Variants in PIGL observed in about 807,000 individuals in gnomAD.
The protein encoded by PIGL is N-acetylglucosaminyl-phosphatidylinositol de-N-acetylase.
PIGL carries 22 observed loss-of-function variants against 31.1 expected under a neutral mutation model. The observed-to-expected ratio is 0.71, with a 90% confidence interval of 0.51 to 1.01. The LOEUF (loss-of-function observed/expected upper bound fraction) is 1.01. Among genes scored for constraint, PIGL ranks in the 50% least tolerant of loss-of-function variants. The pLI, the probability that PIGL is intolerant of heterozygous loss-of-function variation, is 0.00. For synonymous variants in PIGL, 131 were observed against 117.4 expected (o/e 1.12, Z -0.75); for missense variants, 302 against 315.9 (o/e 0.96, Z 0.33).
Position 16,307,308 on chromosome 17 carries a change from T to G in PIGL, c.427-6239T>G, listed in dbSNP as rs187884620. Among the ~76,000 whole-genome samples, 4 of 152,302 alleles carry G rather than the reference T, an allele frequency of 2.6e-5. No individual in the cohort carries two copies. In the East Asian group the frequency reaches 7.7e-4, roughly 29 times the overall value. On this transcript the variant is annotated intron_variant, in intron 3 of 6. Transcript: ENST00000225609. ...TTTCCACTGTCTCCACTTCTTAGAT[T>G]TGGTCCTCTTGCTAGGCCATAGGGT...
chr17:16,245,620 G>T (rs1227637275), intron 2 of PIGL, among the ~76,000 whole-genome samples: 2 of 149,754 alleles, frequency 1.3e-5, no homozygotes, highest in African/African-American at 2.5e-5. Flanking sequence ...GGGCAGGATG[G>T]TCTCGATCTC....
intron 2 of PIGL, among the ~76,000 whole-genome samples, chr17:16,298,145 T>C (rs2092990463): frequency 6.6e-6 from 1 of 151,940 alleles, no homozygotes; most frequent in Non-Finnish European, 1.5e-5. Flanking sequence ...CCATAAGGGG[T>C]TGGCAGATGA....
At chr17:16,320,502 G>T (rs1352567694) in intron 6 of PIGL, among the ~76,000 whole-genome samples, 1 of 135,620 alleles carries the variant, frequency 7.4e-6, no homozygotes, top group Non-Finnish European at 1.6e-5. Context: ...AGGGAAAGCG[G>T]GAGAGAGAGA....
intron 2 of PIGL, among the ~76,000 whole-genome samples, chr17:16,291,521 A>AAAAAAG (rs1555860361): frequency 2.1e-5 from 3 of 140,142 alleles, no homozygotes; most frequent in Non-Finnish European, 3.1e-5. Flanking sequence ...AAAAAAAAAA[A>AAAAAAG]AAAGAAAGAA....
intron 2 of PIGL, among the ~76,000 whole-genome samples, chr17:16,286,149 T>C (rs1407458333): frequency 6.6e-6 from 1 of 152,242 alleles, no homozygotes; most frequent in Non-Finnish European, 1.5e-5. Flanking sequence ...ACCTTCCGGC[T>C]TGCGCTGTAC....
chr17:16,317,782 T>C lies in PIGL; in HGVS notation c.534T>C (p.Ser178=), dbSNP rs114145762. ...HSEGKLPKGC[S]VLTLQSVNVL... ...TGTCTCCTCTCCATCCAGGGTGCTC[T>C]GTGCTCACGCTTCAGTCTGTGAATG... Residue 178 remains serine, a synonymous_variant, in exon 6 of 7, where the codon TCT becomes TCC. Coordinates refer to ENST00000225609, the MANE Select transcript of PIGL (RefSeq NM_004278.4). 6.2e-6 allele frequency: 10 copies of C among 1,613,992 alleles called. No individual in the cohort carries two copies. The African/African-American group carries it at 9.3e-5, about 15-fold the overall frequency.
intron 6 of PIGL, among the ~76,000 whole-genome samples, chr17:16,318,699 G>A (rs1199223348): frequency 6.6e-6 from 1 of 151,950 alleles, no homozygotes; most frequent in Non-Finnish European, 1.5e-5. Context: ...TTGGGAGGCT[G>A]AGGCGGGCAG....
At chr17:16,229,880 T>TTTG (rs1555848571) in intron 1 of PIGL, among the ~76,000 whole-genome samples, 1 of 149,186 alleles carries the variant, frequency 6.7e-6, no homozygotes, top group South Asian at 2.1e-4. Flanking sequence ...TTTTTTTTTT[T>TTTG]GAGACGGAGT....
At chr17:16,237,079 A>C (rs2092702164) in intron 2 of PIGL, among the ~76,000 whole-genome samples, 1 of 146,412 alleles carries the variant, frequency 6.8e-6, no homozygotes, top group South Asian at 2.2e-4. Flanking sequence ...CTGGGACTAC[A>C]GGCACTCACC....
At chr17:16,225,834 C>G (rs1018364) in intron 1 of PIGL, among the ~76,000 whole-genome samples, 2,219 of 152,022 alleles carry the variant, frequency 0.015, 61 homozygotes, top group African/African-American at 0.051. Context: ...AGAGCATTCA[C>G]TGTGGAATGC....
At chr17:16,260,361 C>T (rs2092814169) in intron 2 of PIGL, among the ~76,000 whole-genome samples, 1 of 152,178 alleles carries the variant, frequency 6.6e-6, no homozygotes, top group African/African-American at 2.4e-5. Context: ...TGGACCTGCC[C>T]ATGGCAAACC....
chr17:16,262,289 G>T (rs1222415858), intron 2 of PIGL, among the ~76,000 whole-genome samples: 1 of 152,166 alleles, frequency 6.6e-6, no homozygotes, highest in Non-Finnish European at 1.5e-5. Context: ...TCCAAAGAAG[G>T]TATCAAATGG....
intron 2 of PIGL, among the ~76,000 whole-genome samples, chr17:16,248,717 A>G (rs1429900690): frequency 1.3e-5 from 2 of 152,080 alleles, no homozygotes; most frequent in Non-Finnish European, 2.9e-5. Flanking sequence ...TCCAACCTCT[A>G]CCCATTATCT....
intron 2 of PIGL, among the ~76,000 whole-genome samples, chr17:16,282,870 T>C (rs2092922227): frequency 6.6e-6 from 1 of 152,186 alleles, no homozygotes; most frequent in Non-Finnish European, 1.5e-5. Flanking sequence ...CAATGTCTAC[T>C]TCAAAAGATA....
chr17:16,221,311 A>G (rs1421793146), intron 1 of PIGL, among the ~76,000 whole-genome samples: 1 of 152,152 alleles, frequency 6.6e-6, no homozygotes. Context: ...TGACTCCTAT[A>G]GTTGCAATAT....
chr17:16,237,566 C>T (rs1218572948), intron 2 of PIGL, among the ~76,000 whole-genome samples: 3 of 151,508 alleles, frequency 2.0e-5, no homozygotes, highest in South Asian at 2.1e-4. Flanking sequence ...TTTGGGAGGC[C>T]GAGGTGGACA....
intron 2 of PIGL, among the ~76,000 whole-genome samples, chr17:16,257,658 TTC>T (rs200119908): frequency 4.6e-4 from 48 of 104,582 alleles, no homozygotes; most frequent in Admixed American, 2.6e-3. Flanking sequence ...GGTTTTTTTT[TTC>T]CTTTCTTAAT....
At chr17:16,241,664 A>C (rs1309034888) in intron 2 of PIGL, among the ~76,000 whole-genome samples, 1 of 152,138 alleles carries the variant, frequency 6.6e-6, no homozygotes, top group African/African-American at 2.4e-5. Flanking sequence ...ATAAAACCAC[A>C]AACTATAATG....
intron 1 of PIGL, among the ~76,000 whole-genome samples, chr17:16,226,773 C>G (rs1204056759): frequency 6.6e-6 from 1 of 152,120 alleles, no homozygotes; most frequent in African/African-American, 2.4e-5. Flanking sequence ...AAGGTATTGC[C>G]TTTTGAAGGT....
Sources: allele counts gnomAD v4.1 joint callset (sites outside exome capture counted in the v4.1 genomes callset), GRCh38; gene constraint gnomAD v4.1.1; transcripts MANE v1.5; gene names NCBI Gene and HGNC (gene_info 2026-07-23, HGNC 2026-07-21).